PM20D1: variants seen among roughly 807,000 people sequenced by gnomAD.
PM20D1 encodes peptidase M20 domain containing 1.
Under a neutral mutation model 53.8 loss-of-function variants are expected in PM20D1, and 53 were observed. The ratio of observed to expected loss-of-function variants is 0.98; its 90% CI spans 0.79 to 1.24. The LOEUF is 1.24. Ranked by LOEUF, PM20D1 falls within the 50% of genes most tolerant of loss-of-function variation. The pLI is 0.00. For synonymous variants in PM20D1, 239 were observed against 241.3 expected, an observed-to-expected ratio of 0.99 and a Z score of 0.09; for missense variants, 564 against 616.8, an observed-to-expected ratio of 0.91 and a Z score of 0.91.
Position 205,844,192 on chromosome 1 carries a change from A to G in PM20D1, c.602T>C (p.Ile201Thr). The G allele has an allele frequency of 6.2e-7, 1 of 1,613,360 alleles. No homozygotes were observed. The highest frequency in any genetic ancestry group is 8.5e-7 in the Non-Finnish European group (1 of 1,179,598). Residue 201 changes from isoleucine (I) to threonine (T), a missense_variant, in exon 5 of 13, where the codon ATC (isoleucine) becomes ACC (threonine). Coordinates refer to ENST00000367136, the MANE Select transcript of PM20D1 (RefSeq NM_152491.5). ...EESSGTGAQR[I>T]SALLQSRGVQ... The stretch of plus-strand genomic sequence containing the variant: ...GCCCCTTGACTGTAGCAGGGCTGAG[A>G]TCCTCTGAGCCCCTGTCCCTGATGA...
rs1558090159 is a variant in PM20D1 at position 205,832,628 on chromosome 1, C to CG, written c.1254dup (p.Val419ArgfsTer40). Reference sequence around the variant, plus strand: ...GCAGTAATATTGACTTCCGGGAAGACGGACTGTACGGTCTGGCGGAGCAGC... The same window carrying CG: ...GCAGTAATATTGACTTCCGGGAAGACGGGACTGTACGGTCTGGCGGAGCAGC... On this transcript the variant is annotated frameshift_variant, in exon 11 of 13. Coordinates refer to ENST00000367136, the MANE Select transcript of PM20D1 (RefSeq NM_152491.5). LOFTEE classifies it high-confidence loss of function. 16 of 1,613,994 alleles carry CG rather than the reference C, an allele frequency of 9.9e-6. No homozygotes were observed. Among genetic ancestry groups the CG allele is most frequent in the Non-Finnish European group, 1.4e-5 (16 of 1,180,020 alleles).
chr1:205,843,076 T>C (rs1305961377), intron 6 of PM20D1, among the ~76,000 whole-genome samples: 1 of 152,188 alleles, frequency 6.6e-6, no homozygotes, highest in Admixed American at 6.5e-5. Context: ...ATAGCACTCC[T>C]TCCCACTTTG....
chr1:205,836,292 A>G (rs1023746039), intron 10 of PM20D1, among the ~76,000 whole-genome samples: 2 of 152,218 alleles, frequency 1.3e-5, no homozygotes, highest in East Asian at 1.9e-4. Context: ...GACAATGGAT[A>G]CTTAAAAACA....
chr1:205,847,708 G>T (rs944793443), intron 2 of PM20D1, among the ~76,000 whole-genome samples, 177 bp downstream of exon 2: 13 of 151,794 alleles, frequency 8.6e-5, no homozygotes, highest in African/African-American at 3.2e-4. Flanking sequence ...CTCAATCTTT[G>T]CCCTACATAT....
At position 205,845,476 on chromosome 1, in the gene PM20D1, G is replaced by A. The variant is rs189235498; in HGVS notation, c.338C>T (p.Ser113Leu). The change falls in exon 3 of 13, where the codon TCG becomes TTG. Residue 113 changes from serine to leucine, a missense_variant. Ser to Leu is a moderately radical substitution (Grantham distance 145). Transcript: ENST00000367136. Reference protein sequence around the residue: ...EYSHLFTIQGSDPSLQPYLLM... With the variant: ...EYSHLFTIQGLDPSLQPYLLM... ...CAGGTAGGGCTGCAAGCTGGGGTCC[G>A]AGCCTTGGATAGTGAACAGGTGGCT... is the stretch of plus-strand genomic sequence containing the variant. 4.2e-5 allele frequency: 67 copies of A among 1,614,218 alleles called. No individual in the cohort carries two copies. Among genetic ancestry groups the A allele is most frequent in the Admixed American group, 1.5e-4 (9 of 60,032 alleles).
At position 205,843,107 on chromosome 1, in the gene PM20D1, G is replaced by C. The variant is rs16856418; in HGVS notation, c.828-356C>G. Among the ~76,000 whole-genome samples the C allele has an allele frequency of 7.7e-4, 118 of 152,316 alleles. 1 individual carries two copies. The highest frequency in any genetic ancestry group is 2.5e-3 in the African/African-American group (102 of 41,560). ...CTTTGCTAAGAAAACCCAGCCAGGA[G>C]TAAGCTCTGCTGTTACAGATTCTGC... On this transcript the variant is annotated intron_variant, in intron 6 of 12. Coordinates refer to ENST00000367136, the MANE Select transcript of PM20D1 (RefSeq NM_152491.5).
At chr1:205,837,744 T>G (rs1219184740) in intron 10 of PM20D1, among the ~76,000 whole-genome samples, 2 of 151,670 alleles carry the variant, frequency 1.3e-5, no homozygotes, top group Non-Finnish European at 2.9e-5. Flanking sequence ...GGAAGGAAGG[T>G]CACTGTGGCA....
At chr1:205,828,826 C>G in intron 12 of PM20D1, 83 bp from the exon 13 acceptor site, 1 of 1,537,100 alleles carries the variant, frequency 6.5e-7, no homozygotes, top group Non-Finnish European at 8.8e-7. Flanking sequence ...ACTTCCCTTA[C>G]TTCCCTCACC....
intron 10 of PM20D1, among the ~76,000 whole-genome samples, chr1:205,835,171 T>A (rs1656656198): frequency 6.6e-6 from 1 of 152,140 alleles, no homozygotes; most frequent in Non-Finnish European, 1.5e-5. Context: ...CTTAGTGGTA[T>A]GAATGTTTAG....
chr1:205,841,771 G>A (rs376238094), intron 9 of PM20D1, 40 bp downstream of exon 9: 13 of 1,509,976 alleles, frequency 8.6e-6, no homozygotes, highest in Admixed American at 7.8e-5. Context: ...AGTGGAGGGC[G>A]GTAGGGAAAA....
chr1:205,832,355 A>C (rs1656578656), intron 11 of PM20D1, among the ~76,000 whole-genome samples: 1 of 152,156 alleles, frequency 6.6e-6, no homozygotes, highest in South Asian at 2.1e-4. Context: ...TCTATGCCAG[A>C]GTGGCTGGCC....
chr1:205,829,616 C>T (rs1656514461), intron 12 of PM20D1, among the ~76,000 whole-genome samples: 2 of 152,158 alleles, frequency 1.3e-5, no homozygotes, highest in Admixed American at 1.3e-4. Context: ...CTACCCATCT[C>T]CCATTTAAAA....
chr1:205,841,815 A>G lies in PM20D1; in HGVS notation c.1040T>C (p.Val347Ala). ...GGGAGGAACCAGGGATGTTACCTTG[A>G]CCCCTGCTTTGAATATGGTGAGTGC... is the stretch of plus-strand genomic sequence containing the variant. ...TTALTIFKAG[V>A]KFNVIPPVAQ... is the part of the protein sequence containing the mutation. Residue 347 changes from valine to alanine, a missense_variant, in exon 9 of 13, where the codon GTC becomes GCC. Coordinates refer to ENST00000367136, the MANE Select transcript of PM20D1 (RefSeq NM_152491.5). 6.4e-7 allele frequency: 1 copy of G among 1,566,270 alleles called. No individual in the cohort carries two copies. Among genetic ancestry groups the G allele is most frequent in the Non-Finnish European group, 8.7e-7 (1 of 1,152,954 alleles).
Position 205,844,226 on chromosome 1 carries a change from A to G in PM20D1, c.577-9T>C, listed in dbSNP as rs767558714. The G allele has an allele frequency of 3.9e-5, 63 of 1,604,440 alleles. No individual in the cohort carries two copies. The highest frequency in any genetic ancestry group is 5.3e-5 in the Non-Finnish European group (62 of 1,174,712). ...GCCCCTGTCCCTGATGACTGCAGACATGGAACATAGAGCTATAGTCCTTCT... is the reference window on the plus strand; with the variant it reads ...GCCCCTGTCCCTGATGACTGCAGACGTGGAACATAGAGCTATAGTCCTTCT... On this transcript the variant is annotated splice_polypyrimidine_tract_variant and intron_variant, in intron 4 of 12. Coordinates refer to ENST00000367136, the MANE Select transcript of PM20D1 (RefSeq NM_152491.5).
chr1:205,839,261 T>G (rs1656751086), intron 10 of PM20D1, among the ~76,000 whole-genome samples: 5 of 152,230 alleles, frequency 3.3e-5, no homozygotes. Flanking sequence ...GTTTTTCCTC[T>G]AAGGCCCAGT....
At chr1:205,841,710 GAC>G in intron 9 of PM20D1, 99 bp downstream of exon 9, 1 of 1,215,178 alleles carries the variant, frequency 8.2e-7, no homozygotes, top group South Asian at 1.3e-5. Flanking sequence ...GGATCCAGCT[GAC>G]ACACACAGAA....
At chr1:205,837,526 C>CTTG (rs1656708875) in intron 10 of PM20D1, among the ~76,000 whole-genome samples, 4 of 152,190 alleles carry the variant, frequency 2.6e-5, no homozygotes, top group Admixed American at 2.6e-4. Context: ...CTGGGGGCGG[C>CTTG]CTGTGTTCCT....
rs991817166 is a variant in PM20D1 at position 205,843,651 on chromosome 1, G to A, written c.827+16C>T. 1 of 1,611,722 alleles carries A rather than the reference G, an allele frequency of 6.2e-7. No individual in the cohort carries two copies. Among genetic ancestry groups the A allele is most frequent in the African/African-American group, 1.3e-5 (1 of 74,882 alleles). ...ATCTCAAGTCTGGCATGGGAACAGG[G>A]CCAGGAGTTGCTTACCGGCTGACAG... On this transcript the variant is annotated intron_variant, in intron 6 of 12. Transcript: ENST00000367136.
At chr1:205,834,135 A>T (rs1301845970) in intron 10 of PM20D1, among the ~76,000 whole-genome samples, 1 of 143,946 alleles carries the variant, frequency 6.9e-6, no homozygotes, top group Non-Finnish European at 1.5e-5. Context: ...GGTGTGAGCC[A>T]TCATGCCTGG....
Sources: gnomAD v4.1 joint callset for allele counts (sites outside exome capture counted in the v4.1 genomes callset) on GRCh38, gnomAD v4.1.1 for gene constraint, MANE v1.5 for transcripts, NCBI Gene and HGNC (gene_info 2026-07-23, HGNC 2026-07-21) for gene names.